WWC2: variants seen among roughly 807,000 people sequenced by gnomAD.
The protein encoded by WWC2 is protein WWC2.
In WWC2, 101 loss-of-function variants were observed where a neutral mutation model predicts 138.5. The observed-to-expected ratio is 0.73, with a 90% CI of 0.62 to 0.86. WWC2 has a LOEUF of 0.86. Among genes scored for constraint, WWC2 ranks in the 40% least tolerant of loss-of-function variants. WWC2 has a pLI of 0.00. For missense variants in WWC2, 1,420 were observed against 1,419.4 expected, an observed-to-expected ratio of 1.00 and a Z score of -0.01; for synonymous variants, 558 against 538.4, an observed-to-expected ratio of 1.04 and a Z score of -0.50.
At position 183,309,395 on chromosome 4, in the gene WWC2, CAA is replaced by C. The variant is rs146172690; in HGVS notation, c.3385-2944_3385-2943del. Among the ~76,000 whole-genome samples the C allele has an allele frequency of 3.6e-3, 541 of 152,312 alleles. 5 individuals carry two copies. Among genetic ancestry groups the C allele is most frequent in the African/African-American group, 0.012 (501 of 41,576 alleles). On this transcript the variant is annotated intron_variant, in intron 21 of 22. Coordinates refer to ENST00000403733, the MANE Select transcript of WWC2 (RefSeq NM_024949.6). ...ACTCTTAAAACTCAACAATACAAAA[CAA>C]ACACCCAGTTTAAAAATCGGCAAAA...
intron 14 of WWC2, among the ~76,000 whole-genome samples, chr4:183,268,586 CAG>C (rs1017948946): frequency 6.6e-6 from 1 of 152,144 alleles, no homozygotes; most frequent in African/African-American, 2.4e-5. Flanking sequence ...ATAAAGTCAC[CAG>C]TATCTACTTA....
At chr4:183,175,465 G>A (rs1411215801) in intron 1 of WWC2, among the ~76,000 whole-genome samples, 1 of 152,064 alleles carries the variant, frequency 6.6e-6, no homozygotes, top group Non-Finnish European at 1.5e-5. Context: ...GTTTTATCAT[G>A]TTGTCCAGGC....
At chr4:183,102,177 C>A (rs1189911230) in intron 1 of WWC2, among the ~76,000 whole-genome samples, 1 of 152,144 alleles carries the variant, frequency 6.6e-6, no homozygotes, top group Non-Finnish European at 1.5e-5. Flanking sequence ...ACTAAGTTTA[C>A]GTGAGTTTCT....
intron 1 of WWC2, among the ~76,000 whole-genome samples, chr4:183,114,943 T>G (rs1190883144): frequency 6.6e-6 from 1 of 152,156 alleles, no homozygotes; most frequent in Non-Finnish European, 1.5e-5. Context: ...TGCCTCAGCC[T>G]CCTAAGTAGC....
intron 4 of WWC2, among the ~76,000 whole-genome samples, chr4:183,217,016 T>A (rs1735778866): frequency 6.6e-6 from 1 of 152,142 alleles, no homozygotes; most frequent in Admixed American, 6.5e-5. Context: ...ATCAGAAGGG[T>A]AATGCCATAG....
intron 1 of WWC2, among the ~76,000 whole-genome samples, chr4:183,103,487 C>T (rs1056405050): frequency 2.6e-5 from 4 of 151,430 alleles, no homozygotes; most frequent in Admixed American, 6.6e-5. Flanking sequence ...CCACCACGCC[C>T]GGCTAATTTT....
At chr4:183,110,304 C>T (rs1732192694) in intron 1 of WWC2, among the ~76,000 whole-genome samples, 1 of 152,156 alleles carries the variant, frequency 6.6e-6, no homozygotes, top group Admixed American at 6.5e-5. Context: ...GAAATACTGA[C>T]TTTCTTGTGG....
chr4:183,287,764 T>C (rs1738305732), intron 20 of WWC2, among the ~76,000 whole-genome samples: 1 of 152,092 alleles, frequency 6.6e-6, no homozygotes, highest in South Asian at 2.1e-4. Context: ...GTTAGAGGGG[T>C]ACCGACCGGC....
At chr4:183,196,866 T>C (rs1735158805) in intron 2 of WWC2, among the ~76,000 whole-genome samples, 1 of 152,068 alleles carries the variant, frequency 6.6e-6, no homozygotes, top group Non-Finnish European at 1.5e-5. Flanking sequence ...CCCCGTCCCA[T>C]TCTGGTCGAG....
chr4:183,223,823 T>C (rs181469970), intron 4 of WWC2, among the ~76,000 whole-genome samples: 87 of 152,302 alleles, frequency 5.7e-4, no homozygotes, highest in Non-Finnish European at 1.1e-3. Context: ...GTCTGCCTCC[T>C]GGGTTCAAGT....
At chr4:183,281,042 C>T (rs890281827) in intron 17 of WWC2, 145 bp downstream of exon 17, 133 of 1,233,652 alleles carry the variant, frequency 1.1e-4, no homozygotes, top group Non-Finnish European at 1.3e-4. Flanking sequence ...AAAAGTCTTT[C>T]CTTGGTCATT....
At chr4:183,113,771 T>G (rs59752325) in intron 1 of WWC2, among the ~76,000 whole-genome samples, 3,071 of 151,860 alleles carry the variant, frequency 0.02, 98 homozygotes, top group African/African-American at 0.071. Flanking sequence ...TTACAGATTT[T>G]TTTTTTTTTT....
chr4:183,231,258 CTTTTTTTTTT>C (rs1192297768), intron 4 of WWC2, among the ~76,000 whole-genome samples: 1 of 75,312 alleles, frequency 1.3e-5, no homozygotes, highest in African/African-American at 5.9e-5. Flanking sequence ...ACAGTGAAAG[CTTTTTTTTTT>C]TTTTTTTTTT....
intron 1 of WWC2, among the ~76,000 whole-genome samples, chr4:183,177,767 GC>G (rs1356170831): frequency 6.6e-6 from 1 of 151,406 alleles, no homozygotes; most frequent in African/African-American, 2.4e-5. Context: ...TTTTTCTCTG[GC>G]CTGAGAAGCT....
intron 1 of WWC2, among the ~76,000 whole-genome samples, chr4:183,139,367 A>G (rs1321999752): frequency 6.6e-6 from 1 of 152,178 alleles, no homozygotes; most frequent in East Asian, 1.9e-4. Context: ...ATAATGGCCT[A>G]CTTGACAGGT....
chr4:183,286,827 G>A (rs562546763), intron 20 of WWC2, among the ~76,000 whole-genome samples: 1 of 152,238 alleles, frequency 6.6e-6, no homozygotes, highest in African/African-American at 2.4e-5. Flanking sequence ...TGTCACAACT[G>A]TGCCGGGTAT....
At chr4:183,293,399 A>T (rs369522223) in intron 21 of WWC2, among the ~76,000 whole-genome samples, 3 of 152,370 alleles carry the variant, frequency 2.0e-5, no homozygotes, top group South Asian at 4.1e-4. Flanking sequence ...TGGTCAACTC[A>T]ATAGATTCAG....
chr4:183,124,901 A>G (rs933740507), intron 1 of WWC2, among the ~76,000 whole-genome samples: 3 of 152,160 alleles, frequency 2.0e-5, no homozygotes, highest in South Asian at 2.1e-4. Flanking sequence ...CTTAGAATCT[A>G]TGGTAGCTCA....
chr4:183,146,167 C>T (rs192779829), intron 1 of WWC2, among the ~76,000 whole-genome samples: 1 of 152,308 alleles, frequency 6.6e-6, no homozygotes, highest in African/African-American at 2.4e-5. Context: ...TCCTTTCTCC[C>T]TCCAGGTCTG....
Sources: allele counts gnomAD v4.1 joint callset (sites outside exome capture counted in the v4.1 genomes callset), GRCh38; gene constraint gnomAD v4.1.1; transcripts MANE v1.5; gene names NCBI Gene and HGNC (gene_info 2026-07-23, HGNC 2026-07-21).